LRRC20: variants seen among roughly 807,000 people sequenced by gnomAD.
LRRC20 encodes the protein leucine rich repeat containing 20.
In LRRC20, 11 loss-of-function variants were observed where a neutral mutation model predicts 14.4. That is an observed-to-expected ratio of 0.77 (90% CI 0.48 to 1.27). LRRC20 has a LOEUF of 1.27. Among genes scored for constraint, LRRC20 ranks in the 50% most tolerant of loss-of-function variants. The probability of loss-of-function intolerance (pLI) is 0.00; values close to 1 mark genes in which losing one functional copy is unlikely to be tolerated. For missense variants in LRRC20, 219 were observed against 251.2 expected (o/e 0.87, Z 0.87); for synonymous variants, 121 against 107.3 (o/e 1.13, Z -0.79).
At chr10:70,308,328 G>A (rs939220318) in intron 4 of LRRC20, among the ~76,000 whole-genome samples, 6 of 151,874 alleles carry the variant, frequency 4.0e-5, no homozygotes, top group African/African-American at 1.5e-4. Context: ...CACCCAGCCA[G>A]TGGGTAGCAA....
chr10:70,326,652 C>T (rs1034349893), intron 3 of LRRC20, among the ~76,000 whole-genome samples: 1 of 152,172 alleles, frequency 6.6e-6, no homozygotes, highest in Non-Finnish European at 1.5e-5. Context: ...CCTTAAACCA[C>T]AGAACGCTGC....
intron 3 of LRRC20, 23 bp from the exon 4 acceptor site, chr10:70,324,053 G>T: frequency 6.2e-7 from 1 of 1,612,364 alleles, no homozygotes; most frequent in South Asian, 1.1e-5. Context: ...GGGAAGGAGA[G>T]AGAACAGGAT....
rs1564607902 is a variant in LRRC20, at chr10:70,304,495, TA to T, written c.401-2988del. On this transcript the variant is annotated intron_variant, in intron 4 of 4. Transcript: ENST00000446961. ...TTATATATATATATATATATATATATATATATATATATTTTACTAAGCACCA... is the reference window on the plus strand; with the variant it reads ...TTATATATATATATATATATATATATTATATATATATTTTACTAAGCACCA... Among the ~76,000 whole-genome samples the T allele has an allele frequency of 1.8e-4, 25 of 142,354 alleles. 1 individual carries two copies. Among genetic ancestry groups the T allele is most frequent in the Admixed American group, 1.1e-3 (15 of 14,272 alleles). The allele number at this position is 142,354 out of a possible 152,430, so 93.4% of individuals were successfully genotyped here.
chr10:70,350,524 C>T (rs1250673311), intron 2 of LRRC20, among the ~76,000 whole-genome samples: 2 of 152,150 alleles, frequency 1.3e-5, no homozygotes, highest in African/African-American at 4.8e-5. Context: ...GGAGCAAAAT[C>T]CAAGAAGACA....
intron 2 of LRRC20, among the ~76,000 whole-genome samples, chr10:70,375,760 CATGCACGCACACACAGG>C (rs1844485393): frequency 2.8e-4 from 3 of 10,768 alleles, no homozygotes; most frequent in Non-Finnish European, 2.3e-3. Context: ...CACTCGGGCA[CATGCACGCACACACAGG>C]ACACACAGGT....
At chr10:70,305,691 C>A (rs1236814617) in intron 4 of LRRC20, among the ~76,000 whole-genome samples, 1 of 151,438 alleles carries the variant, frequency 6.6e-6, no homozygotes, top group Non-Finnish European at 1.5e-5. Context: ...TGTTGCAAAA[C>A]TAAAAATAAA....
intron 4 of LRRC20, among the ~76,000 whole-genome samples, chr10:70,317,552 A>T (rs7100004): frequency 0.24 from 36,014 of 151,800 alleles, 5,457 homozygotes; most frequent in Non-Finnish European, 0.33. Context: ...TTTTTTAAAA[A>T]TTTTTTGTAG....
At chr10:70,367,654 C>A (rs148796868) in intron 2 of LRRC20, among the ~76,000 whole-genome samples, 258 of 152,076 alleles carry the variant, frequency 1.7e-3, no homozygotes, top group Non-Finnish European at 2.8e-3. Context: ...AAGGCAAAAC[C>A]ACAGCGATGG....
intron 3 of LRRC20, among the ~76,000 whole-genome samples, chr10:70,336,824 G>A (rs1044982806): frequency 6.6e-6 from 1 of 152,136 alleles, no homozygotes; most frequent in East Asian, 1.9e-4. Context: ...CTACACCTCT[G>A]GCCTGGCAGT....
intron 2 of LRRC20, among the ~76,000 whole-genome samples, chr10:70,358,944 AG>A (rs1251960695): frequency 2.0e-5 from 3 of 152,232 alleles, no homozygotes; most frequent in South Asian, 2.1e-4. Context: ...ACCATCGGGA[AG>A]CTTGGTCTCA....
chr10:70,302,952 C>T (rs1277473185), intron 4 of LRRC20, among the ~76,000 whole-genome samples: 3 of 151,766 alleles, frequency 2.0e-5, no homozygotes, highest in Non-Finnish European at 2.9e-5. Context: ...CCTCGTGATC[C>T]GCCCGTCTCG....
At chr10:70,348,434 C>T (rs1017609390) in intron 2 of LRRC20, among the ~76,000 whole-genome samples, 2 of 152,206 alleles carry the variant, frequency 1.3e-5, no homozygotes, top group African/African-American at 4.8e-5. Context: ...ATGCCACACA[C>T]GGGGGATGGG....
At chr10:70,357,353 G>A (rs1843563098) in intron 2 of LRRC20, among the ~76,000 whole-genome samples, 1 of 152,192 alleles carries the variant, frequency 6.6e-6, no homozygotes, top group Non-Finnish European at 1.5e-5. Context: ...AAACGTTACA[G>A]TATTTGAATA....
At chr10:70,302,385 T>C (rs1841227854) in intron 4 of LRRC20, among the ~76,000 whole-genome samples, 1 of 152,132 alleles carries the variant, frequency 6.6e-6, no homozygotes, top group Non-Finnish European at 1.5e-5. Context: ...ATGACTCCAC[T>C]TATGTGAGGT....
intron 3 of LRRC20, among the ~76,000 whole-genome samples, chr10:70,338,414 T>C (rs897604610): frequency 7.2e-5 from 11 of 152,162 alleles, no homozygotes; most frequent in African/African-American, 2.7e-4. Context: ...ATTTCATGTA[T>C]TTCTTTCTCT....
At chr10:70,367,972 G>A (rs1002377215) in intron 2 of LRRC20, among the ~76,000 whole-genome samples, 1 of 138,354 alleles carries the variant, frequency 7.2e-6, no homozygotes, top group Non-Finnish European at 1.5e-5. Context: ...GTTATGTTAT[G>A]TTATGTTATG....
chr10:70,333,175 G>A (rs1358802350), intron 3 of LRRC20, among the ~76,000 whole-genome samples: 2 of 152,082 alleles, frequency 1.3e-5, no homozygotes, highest in Non-Finnish European at 2.9e-5. Flanking sequence ...TGCAAGAAGT[G>A]TTAGCTTGGG....
chr10:70,361,529 G>A (rs1424931793), intron 2 of LRRC20, among the ~76,000 whole-genome samples: 1 of 152,150 alleles, frequency 6.6e-6, no homozygotes, highest in African/African-American at 2.4e-5. Flanking sequence ...ATTTAGCTGA[G>A]ACAAGAATAA....
At chr10:70,348,010 C>T (rs1266439102) in intron 2 of LRRC20, among the ~76,000 whole-genome samples, 1 of 152,146 alleles carries the variant, frequency 6.6e-6, no homozygotes, top group Non-Finnish European at 1.5e-5. Context: ...CTCCTGTGTG[C>T]CAGGTACTGA....
Sources: gnomAD v4.1 joint callset for allele counts (sites outside exome capture counted in the v4.1 genomes callset) on GRCh38, gnomAD v4.1.1 for gene constraint, MANE v1.5 for transcripts, NCBI Gene and HGNC (gene_info 2026-07-23, HGNC 2026-07-21) for gene names.